The following FAM13A variants were observed in gnomAD, a reference collection of about 807,000 sequenced individuals.
FAM13A encodes family with sequence similarity 13 member A, also known as protein FAM13A.
A neutral mutation model predicts 129.6 loss-of-function variants in FAM13A; 76 were observed. The observed-to-expected ratio is 0.59, with a 90% confidence interval of 0.49 to 0.71. The LOEUF (loss-of-function observed/expected upper bound fraction) is 0.71, where lower values mean the gene tolerates loss of function less well. Among genes scored for constraint, FAM13A ranks in the 30% least tolerant of loss-of-function variants. The pLI is 0.00. For missense variants in FAM13A, 1,108 were observed against 1,249.3 expected (o/e 0.89, Z 1.70); for synonymous variants, 443 against 449.9 (o/e 0.98, Z 0.20).
intron 4 of FAM13A, among the ~76,000 whole-genome samples, chr4:88,942,500 G>A (rs1029186530): frequency 1.3e-5 from 2 of 151,954 alleles, no homozygotes; most frequent in Non-Finnish European, 1.5e-5. Flanking sequence ...CCAGGAGGCA[G>A]AGGTTGCAGT....
intron 17 of FAM13A, among the ~76,000 whole-genome samples, chr4:88,748,233 T>C (rs1401766486): frequency 6.6e-6 from 1 of 152,228 alleles, no homozygotes; most frequent in African/African-American, 2.4e-5. Flanking sequence ...AAATTGTTTT[T>C]CTGTAGTATC....
At chr4:88,923,746 A>G (rs1579299861) in intron 5 of FAM13A, among the ~76,000 whole-genome samples, 1 of 152,172 alleles carries the variant, frequency 6.6e-6, no homozygotes, top group Non-Finnish European at 1.5e-5. Flanking sequence ...TCAATTAGGA[A>G]AAGAGGAAGT....
intron 5 of FAM13A, among the ~76,000 whole-genome samples, chr4:88,913,510 AAGAAG>A (rs1749540769): frequency 7.1e-6 from 1 of 141,794 alleles, no homozygotes; most frequent in Non-Finnish European, 1.6e-5. Flanking sequence ...GAGGAAGAGG[AAGAAG>A]AGGAGGAGGA....
Position 88,796,730 on chromosome 4 carries a change from T to A in FAM13A, c.1050-6103A>T, listed in dbSNP as rs1196571196. Among the ~76,000 whole-genome samples the A allele has an allele frequency of 2.0e-5, 3 of 151,944 alleles. No individual in the cohort carries two copies. The East Asian group carries it at 5.8e-4, about 29-fold the overall frequency. ...CAACTAGGTTTTTTTTTTTTAGTAG[T>A]TTAGCTTTTCTCAAATAATTTAATC... On this transcript the variant is annotated intron_variant, in intron 8 of 23. Coordinates refer to ENST00000264344, the MANE Select transcript of FAM13A (RefSeq NM_014883.4).
intron 11 of FAM13A, among the ~76,000 whole-genome samples, chr4:88,773,308 C>T (rs1721052739): frequency 6.6e-6 from 1 of 152,180 alleles, no homozygotes; most frequent in Non-Finnish European, 1.5e-5. Flanking sequence ...AGGGCAAAAC[C>T]TGTTCAAAGA....
intron 4 of FAM13A, among the ~76,000 whole-genome samples, chr4:88,973,564 T>C (rs1760448888): frequency 1.4e-5 from 2 of 141,050 alleles, no homozygotes; most frequent in African/African-American, 5.4e-5. Context: ...TCTGTCTACT[T>C]TATCCATTAG....
At chr4:88,959,224 C>T (rs1758244674) in intron 4 of FAM13A, among the ~76,000 whole-genome samples, 1 of 152,164 alleles carries the variant, frequency 6.6e-6, no homozygotes, top group African/African-American at 2.4e-5. Flanking sequence ...TGATTGTATT[C>T]TGCAATGTGA....
intron 8 of FAM13A, among the ~76,000 whole-genome samples, chr4:88,800,999 A>C (rs1727353317): frequency 6.6e-6 from 1 of 152,172 alleles, no homozygotes; most frequent in African/African-American, 2.4e-5. Flanking sequence ...TATGCTTCTT[A>C]AGGAGAAAAA....
At chr4:88,925,952 C>T (rs1224845787) in intron 5 of FAM13A, among the ~76,000 whole-genome samples, 1 of 151,892 alleles carries the variant, frequency 6.6e-6, no homozygotes, top group Non-Finnish European at 1.5e-5. Context: ...CTCAGTTGGA[C>T]CCGCACCAAC....
chr4:88,900,882 T>C (rs1747187111), intron 6 of FAM13A, among the ~76,000 whole-genome samples: 1 of 152,110 alleles, frequency 6.6e-6, no homozygotes, highest in Non-Finnish European at 1.5e-5. Flanking sequence ...CCCATCAGTA[T>C]GCTGTCTTCA....
At chr4:88,853,093 T>C (rs2149994743) in intron 6 of FAM13A, among the ~76,000 whole-genome samples, 2 of 152,316 alleles carry the variant, frequency 1.3e-5, no homozygotes, top group Middle Eastern at 6.8e-3. Flanking sequence ...TGACAATTAA[T>C]TTTTCATGAC....
intron 19 of FAM13A, among the ~76,000 whole-genome samples, chr4:88,743,729 C>T (rs537494925): frequency 3.9e-5 from 6 of 152,292 alleles, no homozygotes; most frequent in East Asian, 3.9e-4. Context: ...GCCAAGTTGT[C>T]TTCATAATAT....
chr4:88,931,164 G>A (rs540505444), intron 5 of FAM13A, among the ~76,000 whole-genome samples: 3 of 152,162 alleles, frequency 2.0e-5, no homozygotes, highest in South Asian at 4.1e-4. Flanking sequence ...GCATGGGAGT[G>A]CTTGGTTTCC....
At chr4:88,977,434 G>A (rs1761058303) in intron 4 of FAM13A, among the ~76,000 whole-genome samples, 3 of 152,182 alleles carry the variant, frequency 2.0e-5, no homozygotes, top group African/African-American at 2.4e-5. Context: ...TCACCCTGGT[G>A]AGGTAAAACA....
chr4:88,804,506 G>A (rs1394242093), intron 8 of FAM13A, among the ~76,000 whole-genome samples: 3 of 152,082 alleles, frequency 2.0e-5, no homozygotes, highest in Admixed American at 2.0e-4. Flanking sequence ...CTTGAATTCT[G>A]TTAATTTACC....
chr4:88,824,449 T>C (rs1732619532), intron 7 of FAM13A, among the ~76,000 whole-genome samples: 1 of 152,208 alleles, frequency 6.6e-6, no homozygotes, highest in African/African-American at 2.4e-5. Flanking sequence ...GACTAAATAA[T>C]CTGTGTTTAT....
intron 5 of FAM13A, among the ~76,000 whole-genome samples, chr4:88,915,013 T>C (rs1579256015): frequency 1.3e-5 from 2 of 152,264 alleles, no homozygotes; most frequent in African/African-American, 4.8e-5. Context: ...TCACAACAGT[T>C]GATTTGGTCA....
intron 6 of FAM13A, among the ~76,000 whole-genome samples, chr4:88,899,501 G>GTAAATAAA (rs143609602): frequency 5.5e-4 from 83 of 151,840 alleles, no homozygotes; most frequent in East Asian, 3.9e-4. Flanking sequence ...AAGTAAGTAA[G>GTAAATAAA]TAAATAAATA....
chr4:88,929,486 CT>C (rs1051786661), intron 5 of FAM13A, among the ~76,000 whole-genome samples: 96 of 138,498 alleles, frequency 6.9e-4, no homozygotes, highest in African/African-American at 2.2e-3. Flanking sequence ...ATTTTCTAAA[CT>C]TTTTTTTATC....
Sources: gnomAD v4.1 joint callset for allele counts (sites outside exome capture counted in the v4.1 genomes callset) on GRCh38, gnomAD v4.1.1 for gene constraint, MANE v1.5 for transcripts, NCBI Gene and HGNC (gene_info 2026-07-23, HGNC 2026-07-21) for gene names.